The following UBXN11 variants were observed in gnomAD, a reference collection of about 807,000 sequenced individuals.
The protein encoded by UBXN11 is UBX domain-containing protein 11.
UBXN11 carries 47 observed loss-of-function variants against 62.8 expected under a neutral mutation model. That is an observed-to-expected ratio of 0.75 (90% confidence interval 0.59 to 0.95). The LOEUF is 0.95. Ranked by LOEUF, UBXN11 falls within the 40% of genes least tolerant of loss-of-function variation. The probability of loss-of-function intolerance (pLI) is 0.00; values close to 1 mark genes in which losing one functional copy is unlikely to be tolerated. For missense variants in UBXN11, 638 were observed against 661.7 expected, an observed-to-expected ratio of 0.96 and a Z score of 0.39; for synonymous variants, 294 against 267.0, an observed-to-expected ratio of 1.10 and a Z score of -0.99.
chr1:26,283,206 A>AC (rs892470885), intron 12 of UBXN11, among the ~76,000 whole-genome samples: 1 of 152,150 alleles, frequency 6.6e-6, no homozygotes, highest in African/African-American at 2.4e-5. Context: ...CTGGAAGCCC[A>AC]CCCCAGCCTG....
At chr1:26,314,646 G>A (rs550260063) in intron 1 of UBXN11, among the ~76,000 whole-genome samples, 4 of 152,100 alleles carry the variant, frequency 2.6e-5, no homozygotes, top group Admixed American at 6.6e-5. Context: ...TCATTCTTCC[G>A]GCAGTCCCTG....
chr1:26,303,618 G>A (rs894945150), intron 1 of UBXN11, among the ~76,000 whole-genome samples: 10 of 83,440 alleles, frequency 1.2e-4, no homozygotes, highest in African/African-American at 3.1e-4. Context: ...CAACAAGAGC[G>A]AAACTCCATC....
At chr1:26,305,950 T>G (rs1399687653) in intron 1 of UBXN11, among the ~76,000 whole-genome samples, 1 of 152,208 alleles carries the variant, frequency 6.6e-6, no homozygotes, top group Non-Finnish European at 1.5e-5. Flanking sequence ...ACTTCCCTAC[T>G]TCCAGTGTCA....
At chr1:26,318,146 GAGCTCCCAGAGACCC>G (rs1295965687) in exon 1 of UBXN11, 1 of 1,234,852 alleles carries the variant, frequency 8.1e-7, no homozygotes, top group East Asian at 2.3e-5. Context: ...TACAGGATGT[GAGCTCCCAGAGACCC>G]AGCCTTCTCT....
chr1:26,310,902 T>C (rs2073735146), upstream of UBXN11, among the ~76,000 whole-genome samples: 1 of 152,002 alleles, frequency 6.6e-6, no homozygotes, highest in South Asian at 2.1e-4. Context: ...GTGAGGGCCT[T>C]GGAGACCCAT....
At chr1:26,305,863 C>T (rs192892137) in intron 1 of UBXN11, among the ~76,000 whole-genome samples, 45 of 152,322 alleles carry the variant, frequency 3.0e-4, no homozygotes, top group East Asian at 5.8e-4. Flanking sequence ...ATAGCTGCCC[C>T]TTTCCATGGC....
upstream of UBXN11, chr1:26,307,018 T>G (rs2073686159): frequency 6.6e-6 from 1 of 152,226 alleles, no homozygotes; most frequent in South Asian, 2.1e-4. Context: ...ATCAGTATTG[T>G]AACACGAAGT....
At chr1:26,313,149 C>T (rs2073760671) in intron 1 of UBXN11, among the ~76,000 whole-genome samples, 1 of 152,080 alleles carries the variant, frequency 6.6e-6, no homozygotes, top group Non-Finnish European at 1.5e-5. Context: ...AGGCGGATCA[C>T]ACTGTGACGT....
intron 10 of UBXN11, chr1:26,284,793 T>C (rs2073088350): frequency 8.8e-7 from 1 of 1,130,578 alleles, no homozygotes. Context: ...ACAAAGCCCC[T>C]GCTTTTTTCC....
chr1:26,291,799 TG>T (rs1220120730), intron 8 of UBXN11, among the ~76,000 whole-genome samples: 2 of 152,196 alleles, frequency 1.3e-5, no homozygotes, highest in Non-Finnish European at 2.9e-5. Context: ...ACACCCACCC[TG>T]GGTTCAGTTA....
chr1:26,301,195 G>T (rs974573517), intron 3 of UBXN11, 171 bp from the exon 4 acceptor site: 1 of 1,332,956 alleles, frequency 7.5e-7, no homozygotes, highest in African/African-American at 1.5e-5. Context: ...GGCTGTTTTG[G>T]AGTTCTTCCA....
At chr1:26,308,719 G>C (rs890650389), upstream of UBXN11, among the ~76,000 whole-genome samples, 1 of 152,176 alleles carries the variant, frequency 6.6e-6, no homozygotes, top group African/African-American at 2.4e-5. Context: ...GGAAGCAGGA[G>C]CTCTGGTCTC....
chr1:26,298,119 G>T (rs1004700306), intron 4 of UBXN11, 57 bp from the exon 5 acceptor site: 218 of 1,555,856 alleles, frequency 1.4e-4, no homozygotes, highest in Non-Finnish European at 1.8e-4. Flanking sequence ...TGAGTTGTGG[G>T]GGGGAGGGAG....
chr1:26,284,061 A>G, intron 12 of UBXN11, 81 bp downstream of exon 12: 1 of 1,396,958 alleles, frequency 7.2e-7, no homozygotes, highest in Non-Finnish European at 9.8e-7. Context: ...GCCTTCTGAC[A>G]AGACACTGTT....
chr1:26,284,934 C>T (rs1469387491), intron 10 of UBXN11: 4 of 1,001,778 alleles, frequency 4.0e-6, no homozygotes, highest in Non-Finnish European at 4.8e-6. Context: ...TTTCCTGAGC[C>T]CTGGTGACAC....
intron 8 of UBXN11, among the ~76,000 whole-genome samples, chr1:26,287,044 CCA>C (rs1460573395): frequency 3.9e-5 from 6 of 151,990 alleles, no homozygotes; most frequent in Non-Finnish European, 7.4e-5. Context: ...GGAAACAGGC[CCA>C]CAGAGATGAA....
chr1:26,284,093 GGTGCTAAAGTTCCCCCAGGA>G, intron 12 of UBXN11, 29 bp downstream of exon 12: 1 of 1,524,090 alleles, frequency 6.6e-7, no homozygotes, highest in East Asian at 2.3e-5. Flanking sequence ...GACCAGGGCT[GGTGCTAAAGTTCCCCCAGGA>G]GGGCTGGGGG....
In UBXN11 at chr1:26,282,737, TGA is replaced by T; in HGVS notation, c.1202_1203del (p.Ile401LysfsTer3). 6.2e-7 allele frequency: 1 copy of T among 1,614,150 alleles called. No individual in the cohort carries two copies. The highest frequency in any genetic ancestry group is 8.5e-7 in the Non-Finnish European group (1 of 1,180,024). ...TPAPPLSMLRIKSENGEQAFL... is the reference protein window; with the variant it reads ...TPAPPLSMLRXKSENGEQAFL... ...AAGGCCTGTTCCCCATTCTCAGACT[TGA>T]TGCGCAGCATGGAGAGCGGGGGTGC... On this transcript the variant is annotated frameshift_variant, in exon 14 of 15. Coordinates refer to ENST00000374222, the MANE Select transcript of UBXN11 (RefSeq NM_001389556.1). LOFTEE classifies it high-confidence loss of function.
intron 8 of UBXN11, among the ~76,000 whole-genome samples, chr1:26,289,616 G>A (rs530148920): frequency 2.6e-5 from 4 of 152,148 alleles, no homozygotes; most frequent in African/African-American, 4.8e-5. Context: ...CCATCATGGC[G>A]ATGCCCACGC....
Sources: gnomAD v4.1 joint callset for allele counts (sites outside exome capture counted in the v4.1 genomes callset) on GRCh38, gnomAD v4.1.1 for gene constraint, MANE v1.5 for transcripts, NCBI Gene and HGNC (gene_info 2026-07-23, HGNC 2026-07-21) for gene names.